Variants in TPRG1 observed in about 807,000 individuals in gnomAD.
TPRG1 encodes the protein tumor protein p63 regulated 1.
Under a neutral mutation model 29.3 loss-of-function variants are expected in TPRG1, and 29 were observed. That is an observed-to-expected ratio of 0.99 (90% CI 0.74 to 1.35). The LOEUF is 1.35. TPRG1 is among the 40% of genes most tolerant of loss of function. The probability of loss-of-function intolerance (pLI) is 0.00; values close to 1 mark genes in which losing one functional copy is unlikely to be tolerated. For synonymous variants in TPRG1, 130 were observed against 116.8 expected (o/e 1.11, Z -0.73); for missense variants, 327 against 335.0 (o/e 0.98, Z 0.19).
intron 3 of TPRG1, 46 bp from the exon 4 acceptor site, chr3:189,238,687 C>T (rs1739962499): frequency 1.3e-6 from 2 of 1,513,428 alleles, no homozygotes; most frequent in Non-Finnish European, 9.0e-7. Flanking sequence ...TTGCTTTTAA[C>T]TTAGGCTGTG....
chr3:189,134,238 A>G (rs1723446686), intron 3 of TPRG1, among the ~76,000 whole-genome samples: 1 of 152,090 alleles, frequency 6.6e-6, no homozygotes, highest in Non-Finnish European at 1.5e-5. Context: ...CTCATCTGCA[A>G]AATGAACATG....
At chr3:189,170,265 G>A (rs1032354965), upstream of TPRG1, among the ~76,000 whole-genome samples, 1 of 152,126 alleles carries the variant, frequency 6.6e-6, no homozygotes, top group Non-Finnish European at 1.5e-5. Flanking sequence ...TAAGTGGTGT[G>A]ACCTAGATAC....
intron 4 of TPRG1, among the ~76,000 whole-genome samples, chr3:189,081,429 A>G (rs1311322236): frequency 6.6e-6 from 1 of 152,214 alleles, no homozygotes; most frequent in Non-Finnish European, 1.5e-5. Context: ...AAGGCAAGTC[A>G]GGGCAGGATG....
At chr3:189,000,598 T>C (rs564976795) in intron 1 of TPRG1, among the ~76,000 whole-genome samples, 1 of 152,270 alleles carries the variant, frequency 6.6e-6, no homozygotes, top group South Asian at 2.1e-4. Context: ...ATGTACAAAA[T>C]TATTACATGT....
intron 3 of TPRG1, among the ~76,000 whole-genome samples, chr3:189,226,856 G>A (rs570237897): frequency 6.7e-6 from 1 of 150,016 alleles, no homozygotes; most frequent in East Asian, 2.0e-4. Flanking sequence ...TATCAGGAAT[G>A]AAACAGGGGA....
At chr3:189,094,402 A>G (rs1718539796) in intron 4 of TPRG1, among the ~76,000 whole-genome samples, 1 of 152,144 alleles carries the variant, frequency 6.6e-6, no homozygotes, top group Non-Finnish European at 1.5e-5. Flanking sequence ...TCATTCCACT[A>G]TGCCTCTGCA....
At chr3:189,034,158 A>G (rs1206780456) in intron 4 of TPRG1, among the ~76,000 whole-genome samples, 1 of 152,222 alleles carries the variant, frequency 6.6e-6, no homozygotes, top group Non-Finnish European at 1.5e-5. Context: ...AGAGGAAAAA[A>G]GGGGACAAAT....
At position 189,323,144 on chromosome 3, in the gene TPRG1, G is replaced by C. The variant is rs1724458782; in HGVS notation, c.*2324G>C. 6.6e-6 allele frequency: 1 copy of C among 152,024 alleles called. No individual in the cohort carries two copies. The allele number at this position is 152,024 out of a possible 1,614,324, so 9.4% of individuals were successfully genotyped here. A position where few individuals can be genotyped will look rare whatever the true frequency, so the allele number is the denominator to read the frequency against. ...TTAAACAGTGAGCCCACCATCACTT[G>C]GTATGTTCAAGGAAAGACTAGATAA... On this transcript the variant is annotated 3_prime_UTR_variant, in exon 6 of 6. Transcript: ENST00000345063.
At chr3:189,269,778 A>G (rs1714758288) in intron 4 of TPRG1, among the ~76,000 whole-genome samples, 1 of 152,246 alleles carries the variant, frequency 6.6e-6, no homozygotes, top group Non-Finnish European at 1.5e-5. Flanking sequence ...ACTGTGGTCA[A>G]GAATTCCATG....
At chr3:189,245,820 T>G (rs1741298104) in intron 4 of TPRG1, among the ~76,000 whole-genome samples, 3 of 152,170 alleles carry the variant, frequency 2.0e-5, no homozygotes, top group Admixed American at 2.0e-4. Context: ...TGTTAACTTT[T>G]GCCTCACATA....
chr3:189,001,875 G>A (rs1467887956), intron 2 of TPRG1, among the ~76,000 whole-genome samples: 1 of 152,132 alleles, frequency 6.6e-6, no homozygotes, highest in East Asian at 1.9e-4. Flanking sequence ...CAACAATAAT[G>A]CATTATATGT....
chr3:189,158,326 G>A (rs1726971226), intron 5 of TPRG1, among the ~76,000 whole-genome samples: 1 of 152,010 alleles, frequency 6.6e-6, no homozygotes, highest in African/African-American at 2.4e-5. Flanking sequence ...ACTTGCAGTG[G>A]GGCTGGGCGC....
At chr3:189,137,295 AATGTGT>A (rs1723867976) in intron 3 of TPRG1, among the ~76,000 whole-genome samples, 1 of 105,018 alleles carries the variant, frequency 9.5e-6, no homozygotes, top group South Asian at 3.5e-4. Context: ...AAAACCCCAA[AATGTGT>A]GTGTGTGTGT....
chr3:189,292,884 G>A (rs1237218876), intron 4 of TPRG1, among the ~76,000 whole-genome samples: 2 of 152,128 alleles, frequency 1.3e-5, no homozygotes, highest in Admixed American at 6.5e-5. Context: ...GTTTAGAAAG[G>A]TGTCCTTGGA....
intron 1 of TPRG1, among the ~76,000 whole-genome samples, chr3:189,174,302 GT>G (rs1729197484): frequency 6.6e-6 from 1 of 152,148 alleles, no homozygotes; most frequent in African/African-American, 2.4e-5. Context: ...GAAATTTCCT[GT>G]AAAAAATCCA....
At chr3:189,303,578 C>A (rs879821933) in intron 4 of TPRG1, among the ~76,000 whole-genome samples, 4 of 152,132 alleles carry the variant, frequency 2.6e-5, no homozygotes, top group Non-Finnish European at 1.5e-5. Context: ...ACTACCATAA[C>A]ATGTAACACT....
At chr3:189,271,942 G>A (rs1198250549) in intron 4 of TPRG1, among the ~76,000 whole-genome samples, 1 of 152,200 alleles carries the variant, frequency 6.6e-6, no homozygotes, top group Admixed American at 6.5e-5. Flanking sequence ...TATCTGGTCA[G>A]TCTAAAAGAG....
In TPRG1 at chr3:189,323,853, C is replaced by T. The variant is rs984432173; in HGVS notation, c.*3033C>T. 2.6e-5 allele frequency: 4 copies of T among 152,130 alleles called. No homozygotes were observed. The highest frequency in any genetic ancestry group is 4.4e-5 in the Non-Finnish European group (3 of 68,016). The allele number at this position is 152,130 out of a possible 1,614,324, so 9.4% of individuals were successfully genotyped here. ...TTCATTATTCGGTCTTTATCTCATT[C>T]AGGAATTTCCACTTGAAAAATCTCT... On this transcript the variant is annotated 3_prime_UTR_variant, in exon 6 of 6. Transcript: ENST00000345063.
chr3:189,264,630 C>T (rs1713729633), intron 4 of TPRG1, among the ~76,000 whole-genome samples: 1 of 151,898 alleles, frequency 6.6e-6, no homozygotes, highest in South Asian at 2.1e-4. Flanking sequence ...TGTCTGACTA[C>T]TAGAGTTTTT....
Sources: allele counts gnomAD v4.1 joint callset (sites outside exome capture counted in the v4.1 genomes callset), GRCh38; gene constraint gnomAD v4.1.1; transcripts MANE v1.5; gene names NCBI Gene and HGNC (gene_info 2026-07-23, HGNC 2026-07-21).